The following OSTF1 variants were observed in gnomAD, a reference collection of about 807,000 sequenced individuals.
OSTF1 encodes osteoclast-stimulating factor 1.
A neutral mutation model predicts 37.2 loss-of-function variants in OSTF1; 27 were observed. The ratio of observed to expected loss-of-function variants is 0.73; its 90% CI spans 0.54 to 1.00. OSTF1 has a LOEUF of 1.00. Ranked by LOEUF, OSTF1 falls within the 50% of genes least tolerant of loss-of-function variation. The pLI, the probability that OSTF1 is intolerant of heterozygous loss-of-function variation, is 0.00. For missense variants in OSTF1, 232 were observed against 253.8 expected, an observed-to-expected ratio of 0.91 and a Z score of 0.58; for synonymous variants, 82 against 89.2, an observed-to-expected ratio of 0.92 and a Z score of 0.46.
At chr9:75,120,490 T>C (rs1029818431) in intron 2 of OSTF1, among the ~76,000 whole-genome samples, 1 of 152,190 alleles carries the variant, frequency 6.6e-6, no homozygotes, top group Non-Finnish European at 1.5e-5. Flanking sequence ...TCCTCGAATC[T>C]AGAATGGGAC....
chr9:75,117,598 T>C, intron 2 of OSTF1, 48 bp downstream of exon 2: 1 of 1,336,522 alleles, frequency 7.5e-7, no homozygotes, highest in Non-Finnish European at 1.1e-6. Flanking sequence ...AAACCTAAGA[T>C]GATTTTATTT....
At chr9:75,129,106 G>T (rs1334892144) in intron 3 of OSTF1, among the ~76,000 whole-genome samples, 2 of 152,098 alleles carry the variant, frequency 1.3e-5, no homozygotes, top group Non-Finnish European at 2.9e-5. Flanking sequence ...ACTTGGGAAC[G>T]AACTTGAAGA....
In OSTF1 at chr9:75,137,238, C is replaced by T. The variant is rs75884275; in HGVS notation, c.409-300C>T. 6.8e-4 allele frequency among the ~76,000 whole-genome samples: 103 copies of T among 152,266 alleles called. No homozygotes were observed. In the East Asian group the frequency reaches 0.016, roughly 24 times the overall value. ...TCTCCAATTCCTAATTTTTGCCAGG[C>T]TTCTGCATGTTCAAATCTGCTTCCT... On this transcript the variant is annotated intron_variant, in intron 7 of 9. Transcript: ENST00000346234.
chr9:75,095,504 A>G (rs4745378), intron 1 of OSTF1, among the ~76,000 whole-genome samples: 34,493 of 152,032 alleles, frequency 0.23, 4,159 homozygotes, highest in Admixed American at 0.28. Flanking sequence ...GCTGAGTAAG[A>G]GTTTGCTGGG....
chr9:75,146,804 T>C lies in OSTF1; in HGVS notation c.*63T>C. The C allele has an allele frequency of 7.9e-7, 1 of 1,260,044 alleles. No individual in the cohort carries two copies. The highest frequency in any genetic ancestry group is 1.1e-6 in the Non-Finnish European group (1 of 876,202). The allele number at this position is 1,260,044 out of a possible 1,614,324, so 78.1% of individuals were successfully genotyped here. A position where few individuals can be genotyped will look rare whatever the true frequency, so the allele number is the denominator to read the frequency against. ...CTTTTGCCATTCCAAAACTTTGTCT[T>C]TGCCAGAAAAGTGTTGGTAACTATA... is the stretch of plus-strand genomic sequence containing the variant. On this transcript the variant is annotated 3_prime_UTR_variant, in exon 10 of 10. Transcript: ENST00000346234.
chr9:75,089,124 C>A (rs1462916535), intron 1 of OSTF1, among the ~76,000 whole-genome samples: 1 of 151,940 alleles, frequency 6.6e-6, no homozygotes, highest in Non-Finnish European at 1.5e-5. Flanking sequence ...TTGTCACTGT[C>A]AAGTTAGGGT....
intron 1 of OSTF1, among the ~76,000 whole-genome samples, chr9:75,110,678 A>T (rs114482977): frequency 6.6e-6 from 1 of 151,652 alleles, no homozygotes; most frequent in Non-Finnish European, 1.5e-5. Flanking sequence ...TTTATCGTAT[A>T]TCTGTGTATC....
chr9:75,115,513 C>T (rs929715454), intron 1 of OSTF1, among the ~76,000 whole-genome samples: 1 of 152,158 alleles, frequency 6.6e-6, no homozygotes, highest in African/African-American at 2.4e-5. Flanking sequence ...TGGTCTCGAA[C>T]ACCTGACCTC....
intron 1 of OSTF1, among the ~76,000 whole-genome samples, chr9:75,114,452 A>T (rs1207661884): frequency 1.3e-5 from 2 of 152,172 alleles, no homozygotes; most frequent in Non-Finnish European, 2.9e-5. Context: ...GCTACATGTG[A>T]CTAGCACAGA....
In OSTF1 at chr9:75,146,893, G is replaced by T. The variant is rs1826034664; in HGVS notation, c.*152G>T. ...TTTGAGTAGAACGTGTAAATGAATT[G>T]TTCCCACCTTTGGTTTGCCAGTAAG... On this transcript the variant is annotated 3_prime_UTR_variant, in exon 10 of 10. Coordinates refer to ENST00000346234, the MANE Select transcript of OSTF1 (RefSeq NM_012383.5). 2 of 522,826 alleles carry T rather than the reference G, an allele frequency of 3.8e-6. No homozygotes were observed. Among genetic ancestry groups the T allele is most frequent in the Non-Finnish European group, 6.6e-6 (2 of 303,804 alleles). The allele number at this position is 522,826 out of a possible 1,614,324, so 32.4% of individuals were successfully genotyped here.
intron 7 of OSTF1, among the ~76,000 whole-genome samples, chr9:75,135,363 C>G (rs1375069343): frequency 6.6e-6 from 1 of 152,100 alleles, no homozygotes; most frequent in Non-Finnish European, 1.5e-5. Flanking sequence ...AGAGTATTTA[C>G]TTTATTGTTG....
chr9:75,145,291 C>G (rs1249739501), intron 9 of OSTF1, among the ~76,000 whole-genome samples: 6 of 152,130 alleles, frequency 3.9e-5, no homozygotes, highest in Non-Finnish European at 5.9e-5. Context: ...GAGGTTTGAT[C>G]CAATTTAGGT....
chr9:75,139,396 G>A, intron 8 of OSTF1, among the ~76,000 whole-genome samples: 1 of 151,988 alleles, frequency 6.6e-6, no homozygotes, highest in Non-Finnish European at 1.5e-5. Flanking sequence ...CTACACTGTG[G>A]CAGAAAGTAT....
chr9:75,101,221 A>AGTCAGGGCGTCAGGTCAGGTAG, intron 1 of OSTF1, among the ~76,000 whole-genome samples: 1 of 152,080 alleles, frequency 6.6e-6, no homozygotes. Flanking sequence ...CCTGGAGTGG[A>AGTCAGGGCGTCAGGTCAGGTAG]GTCAGGGCGT....
At position 75,135,785 on chromosome 9, in the gene OSTF1, C is replaced by T. The variant is rs371790374; in HGVS notation, c.408+1390C>T. Among the ~76,000 whole-genome samples the T allele has an allele frequency of 6.6e-5, 10 of 152,146 alleles. No homozygotes were observed. In the East Asian group the frequency reaches 1.5e-3, roughly 23 times the overall value. On this transcript the variant is annotated intron_variant, in intron 7 of 9. Coordinates refer to ENST00000346234, the MANE Select transcript of OSTF1 (RefSeq NM_012383.5). The stretch of plus-strand genomic sequence containing the variant: ...GCTGGAGCTGGATTCTCATCTGGAG[C>T]TTGGGGTCTTCTTCCAAGTGCATTT...
In OSTF1 at chr9:75,136,014, T is replaced by A. The variant is rs559111412; in HGVS notation, c.409-1524T>A. On this transcript the variant is annotated intron_variant, in intron 7 of 9. Coordinates refer to ENST00000346234, the MANE Select transcript of OSTF1 (RefSeq NM_012383.5). ...TAGGTCAGGCCCACCTGGGATAATG[T>A]CCCTTTTGAAGAATTCAACATCCGC... Among the ~76,000 whole-genome samples the A allele has an allele frequency of 2.6e-5, 4 of 152,286 alleles. No homozygotes were observed. In the South Asian group the frequency reaches 8.3e-4, roughly 32 times the overall value.
rs1046380682 is a variant in OSTF1 at position 75,146,786 on chromosome 9, C to A, written c.*45C>A. ...GATCTAAAACTTCTGTTGCTTTTGC[C>A]ATTCCAAAACTTTGTCTTTGCCAGA... is the stretch of plus-strand genomic sequence containing the variant. On this transcript the variant is annotated 3_prime_UTR_variant, in exon 10 of 10. Transcript: ENST00000346234. 1 of 1,405,212 alleles carries A rather than the reference C, an allele frequency of 7.1e-7. No individual in the cohort carries two copies. Among genetic ancestry groups the A allele is most frequent in the Non-Finnish European group, 9.9e-7 (1 of 1,007,454 alleles). The allele number at this position is 1,405,212 out of a possible 1,614,324, so 87.0% of individuals were successfully genotyped here. A position where few individuals can be genotyped will look rare whatever the true frequency, so the allele number is the denominator to read the frequency against.
chr9:75,124,691 C>A lies in OSTF1; in HGVS notation c.82-2878C>A, dbSNP rs553490045. Among the ~76,000 whole-genome samples, 37 of 152,292 alleles carry A rather than the reference C, an allele frequency of 2.4e-4. No homozygotes were observed. In the South Asian group the frequency reaches 5.6e-3, roughly 23 times the overall value. On this transcript the variant is annotated intron_variant, in intron 2 of 9. Coordinates refer to ENST00000346234, the MANE Select transcript of OSTF1 (RefSeq NM_012383.5). ...ATTAAACAGTTACTCCCTATTCCCCCTGACTTTATTGCTTATTTTTATAAG... is the reference window on the plus strand; with the variant it reads ...ATTAAACAGTTACTCCCTATTCCCCATGACTTTATTGCTTATTTTTATAAG...
At chr9:75,145,202 T>C (rs1432205670) in intron 9 of OSTF1, among the ~76,000 whole-genome samples, 1 of 149,490 alleles carries the variant, frequency 6.7e-6, no homozygotes, top group Non-Finnish European at 1.5e-5. Context: ...TTGATCTAAT[T>C]TAGGTTCTAT....
Sources: allele counts gnomAD v4.1 joint callset (sites outside exome capture counted in the v4.1 genomes callset), GRCh38; gene constraint gnomAD v4.1.1; transcripts MANE v1.5; gene names NCBI Gene and HGNC (gene_info 2026-07-23, HGNC 2026-07-21).